Variants in BIRC6 observed in about 807,000 individuals in gnomAD.
BIRC6 encodes baculoviral IAP repeat containing 6.
Under a neutral mutation model 503.3 loss-of-function variants are expected in BIRC6, and 98 were observed. That is an observed-to-expected ratio of 0.19 (90% CI 0.17 to 0.23). BIRC6 has a LOEUF of 0.23. Ranked by LOEUF, BIRC6 falls within the 10% of genes least tolerant of loss-of-function variation. BIRC6 has a pLI of 1.00. For missense variants in BIRC6, 5,360 were observed against 5,806.0 expected, an observed-to-expected ratio of 0.92 and a Z score of 2.50; for synonymous variants, 2,240 against 2,078.7, an observed-to-expected ratio of 1.08 and a Z score of -2.11.
At chr2:32,385,917 G>T (rs1418017594) in intron 3 of BIRC6, among the ~76,000 whole-genome samples, 1 of 152,146 alleles carries the variant, frequency 6.6e-6, no homozygotes, top group African/African-American at 2.4e-5. Context: ...AGTCTGGAGG[G>T]AATATCCTGA....
chr2:32,566,186 C>A (rs891057488), intron 65 of BIRC6: 2 of 152,138 alleles, frequency 1.3e-5, no homozygotes, highest in Non-Finnish European at 2.9e-5. Context: ...TGCTCCAGTA[C>A]AGCATAAAGC....
chr2:32,608,369 G>GT (rs1413647737), intron 72 of BIRC6, among the ~76,000 whole-genome samples: 1 of 151,966 alleles, frequency 6.6e-6, no homozygotes, highest in East Asian at 1.9e-4. Flanking sequence ...TTTTTGAGAA[G>GT]TTTTTTTCCT....
intron 10 of BIRC6, among the ~76,000 whole-genome samples, chr2:32,421,494 C>T (rs2042953954): frequency 6.6e-6 from 1 of 152,130 alleles, no homozygotes; most frequent in Non-Finnish European, 1.5e-5. Flanking sequence ...GAAGCACTGT[C>T]TTAGTGATAC....
rs574816452 is a variant in BIRC6, at chr2:32,387,290, T to TCA, written c.646-1459_646-1458dup. ...ACAGATTAATTAGGTCTAGAAGTTTTCATTCTCCCTCTTTTTTTTTTTTTT... is the reference window on the plus strand; with the variant it reads ...ACAGATTAATTAGGTCTAGAAGTTTTCACATTCTCCCTCTTTTTTTTTTTTTT... On this transcript the variant is annotated intron_variant, in intron 3 of 73. Transcript: ENST00000421745. Among the ~76,000 whole-genome samples the TCA allele has an allele frequency of 2.1e-3, 323 of 151,178 alleles. 1 individual carries two copies. The highest frequency in any genetic ancestry group is 7.3e-3 in the African/African-American group (300 of 41,146).
At position 32,417,847 on chromosome 2, in the gene BIRC6, T is replaced by C. The variant is rs561596008; in HGVS notation, c.2872+1684T>C. Among the ~76,000 whole-genome samples the C allele has an allele frequency of 7.2e-5, 11 of 152,340 alleles. No homozygotes were observed. The South Asian group carries it at 2.3e-3, about 32-fold the overall frequency. ...CAGGCTGGGGTGCAGTTACGCAATC[T>C]TGGCTCACTGCAACTTCTGCCTCCC... is the stretch of plus-strand genomic sequence containing the variant. On this transcript the variant is annotated intron_variant, in intron 10 of 73. Coordinates refer to ENST00000421745, the MANE Select transcript of BIRC6 (RefSeq NM_016252.4).
At chr2:32,387,501 G>A (rs1281584545) in intron 3 of BIRC6, among the ~76,000 whole-genome samples, 1 of 152,078 alleles carries the variant, frequency 6.6e-6, no homozygotes, top group Non-Finnish European at 1.5e-5. Flanking sequence ...ATAGTACTTA[G>A]CATTTTTGTG....
At chr2:32,530,079 A>G (rs1388055714) in intron 60 of BIRC6, among the ~76,000 whole-genome samples, 1 of 152,186 alleles carries the variant, frequency 6.6e-6, no homozygotes, top group African/African-American at 2.4e-5. Context: ...AGCTATGTGA[A>G]TTGTCATTTT....
At chr2:32,435,649 G>T (rs2044614264) in intron 14 of BIRC6, 64 bp downstream of exon 14, 1 of 1,455,648 alleles carries the variant, frequency 6.9e-7, no homozygotes, top group Admixed American at 2.9e-5. Context: ...AATGCAACAT[G>T]TCGGGCAAGA....
intron 54 of BIRC6, among the ~76,000 whole-genome samples, chr2:32,514,698 CT>C (rs36023193): frequency 0.022 from 3,338 of 152,188 alleles, 62 homozygotes; most frequent in Non-Finnish European, 0.036. Context: ...TCTACATGAC[CT>C]TTTCAGGTCA....
chr2:32,507,400 C>T (rs928399949), intron 50 of BIRC6, among the ~76,000 whole-genome samples: 1 of 152,148 alleles, frequency 6.6e-6, no homozygotes, highest in Non-Finnish European at 1.5e-5. Flanking sequence ...ACTGCACTCA[C>T]TCCAGCCTGG....
chr2:32,447,321 A>G (rs1230874860), intron 21 of BIRC6, among the ~76,000 whole-genome samples: 4 of 149,196 alleles, frequency 2.7e-5, no homozygotes, highest in Admixed American at 6.6e-5. Context: ...ACTTCCCAGT[A>G]GGGGCGGCCG....
At chr2:32,519,124 TA>T (rs1457478213) in intron 57 of BIRC6, 178 bp downstream of exon 57, 4 of 601,266 alleles carry the variant, frequency 6.7e-6, no homozygotes, top group Non-Finnish European at 1.1e-5. Context: ...AAATGTAAAA[TA>T]CTTTTAGGCA....
chr2:32,479,012 C>T (rs1034261630), intron 36 of BIRC6, among the ~76,000 whole-genome samples, 194 bp downstream of exon 36: 4 of 152,082 alleles, frequency 2.6e-5, no homozygotes, highest in East Asian at 1.9e-4. Context: ...TATTGATAGT[C>T]GCGATAAATG....
intron 3 of BIRC6, among the ~76,000 whole-genome samples, chr2:32,382,279 C>T (rs2037781112): frequency 6.6e-6 from 1 of 152,166 alleles, no homozygotes; most frequent in African/African-American, 2.4e-5. Context: ...ACTCAGATCT[C>T]TGAAGAGAGA....
At chr2:32,611,840 A>G (rs573240661) in intron 73 of BIRC6, among the ~76,000 whole-genome samples, 5 of 152,284 alleles carry the variant, frequency 3.3e-5, no homozygotes, top group African/African-American at 1.2e-4. Context: ...CTTGAAGATA[A>G]TGATGACAAG....
At chr2:32,483,993 G>C (rs920443409) in intron 39 of BIRC6, among the ~76,000 whole-genome samples, 1 of 152,062 alleles carries the variant, frequency 6.6e-6, no homozygotes, top group African/African-American at 2.4e-5. Context: ...ACATGGTCTT[G>C]CTCTGTCACT....
rs1198704722 is a variant in BIRC6, at chr2:32,477,504, C to T, written c.6989C>T (p.Ser2330Leu). ...ACTCTGGCCCATGAGCGTTGTATCTCAGTAGTCCAGAAACTTGTTCTGTTT... is the reference window on the plus strand; with the variant it reads ...ACTCTGGCCCATGAGCGTTGTATCTTAGTAGTCCAGAAACTTGTTCTGTTT... ...PFTLAHERCI[S>L]VVQKLVLFLL... is the part of the protein sequence containing the mutation. Residue 2330 changes from serine (S) to leucine (L), a missense_variant, in exon 35 of 74, where the codon TCA becomes TTA. Ser to Leu is a moderately radical substitution (Grantham distance 145). Around this residue, in one of 16 missense-constraint regions of BIRC6, gnomAD observed 2,299 missense variants for 2,267.2 expected, o/e 1.01. Transcript: ENST00000421745. 1.2e-6 allele frequency: 2 copies of T among 1,613,818 alleles called. No individual in the cohort carries two copies. The highest frequency in any genetic ancestry group is 1.7e-6 in the Non-Finnish European group (2 of 1,179,876).
rs111964960 is a variant in BIRC6 at position 32,469,585 on chromosome 2, G to A, written c.6318G>A (p.Ser2106=). Residue 2106 remains serine (S), a synonymous_variant, in exon 30 of 74, where the codon TCG becomes TCA. Coordinates refer to ENST00000421745, the MANE Select transcript of BIRC6 (RefSeq NM_016252.4). ...ATGTCCTTCAGGAATTGTACAATTC[G>A]GAACAGCTTCTCATCTTTCCACAGG... The part of the protein sequence containing the change: ...LSNVLQELYN[S]EQLLIFPQDR... The A allele has an allele frequency of 6.8e-6, 11 of 1,613,450 alleles. No homozygotes were observed. Among genetic ancestry groups the A allele is most frequent in the African/African-American group, 5.3e-5 (4 of 74,898 alleles).
chr2:32,357,851 A>G lies in BIRC6; in HGVS notation c.325+365A>G, dbSNP rs1429450823. On this transcript the variant is annotated intron_variant, in intron 1 of 73. Coordinates refer to ENST00000421745, the MANE Select transcript of BIRC6 (RefSeq NM_016252.4). The surrounding 1 kb of genome is among the most constrained non-coding windows in gnomAD (Gnocchi z 4.9). ...GGCTGTCGGTCCTGCGTCCGGTTAG[A>G]TGAGAGCGAAAGGCTGGAAGGGTTG... Among the ~76,000 whole-genome samples the G allele has an allele frequency of 6.6e-6, 1 of 151,888 alleles. No individual in the cohort carries two copies. The highest frequency in any genetic ancestry group is 2.4e-5 in the African/African-American group (1 of 41,364).
Sources: allele counts gnomAD v4.1 joint callset (sites outside exome capture counted in the v4.1 genomes callset), GRCh38; gene constraint gnomAD v4.1.1; regional missense constraint gnomAD v4.1.1; non-coding constraint Gnocchi (gnomAD v3.1); transcripts MANE v1.5; gene names NCBI Gene and HGNC (gene_info 2026-07-23, HGNC 2026-07-21).